PCDHGB2: variants seen among roughly 807,000 people sequenced by gnomAD.
The protein encoded by PCDHGB2 is protocadherin gamma subfamily B, 2.
PCDHGB2 carries 55 observed loss-of-function variants against 59.3 expected under a neutral mutation model. The observed-to-expected ratio is 0.93, with a 90% CI of 0.75 to 1.16. PCDHGB2 has a LOEUF of 1.16. Among genes scored for constraint, PCDHGB2 ranks in the 50% most tolerant of loss-of-function variants. The pLI is 0.00. For synonymous variants in PCDHGB2, 516 were observed against 512.0 expected, an observed-to-expected ratio of 1.01 and a Z score of -0.11; for missense variants, 1,228 against 1,198.5, an observed-to-expected ratio of 1.02 and a Z score of -0.36.
intron 1 of PCDHGB2, chr5:141,389,664 G>A (rs1182835621): frequency 5.0e-6 from 8 of 1,612,210 alleles, no homozygotes; most frequent in Admixed American, 1.7e-5. Context: ...GGCGGTGGAC[G>A]CAGACTCAGG....
chr5:141,387,752 GGAAAAAGAAGAATTTTTTCTT>G, intron 1 of PCDHGB2: 1 of 1,398,886 alleles, frequency 7.1e-7, no homozygotes, highest in Non-Finnish European at 9.5e-7. Context: ...CTTCCTCCTC[GGAAAAAGAAGAATTTTTTCTT>G]GAACTGGAAC....
chr5:141,414,572 C>T, intron 1 of PCDHGB2: 1 of 1,613,960 alleles, frequency 6.2e-7, no homozygotes, highest in Non-Finnish European at 8.5e-7. Context: ...ACCTATATCC[C>T]AGAGAACAAC....
At chr5:141,502,739 A>C (rs1287180048) in intron 2 of PCDHGB2, among the ~76,000 whole-genome samples, 1 of 152,070 alleles carries the variant, frequency 6.6e-6, no homozygotes, top group Non-Finnish European at 1.5e-5. Flanking sequence ...ATGTTCTGTC[A>C]TTCCTTCTAC....
chr5:141,427,711 A>T, intron 1 of PCDHGB2: 1 of 1,036,498 alleles, frequency 9.6e-7, no homozygotes, highest in Non-Finnish European at 1.5e-6. Context: ...AGCGCCTCTG[A>T]CCTGGACCTA....
At chr5:141,488,913 A>G (rs887938731) in intron 1 of PCDHGB2, among the ~76,000 whole-genome samples, 4 of 152,196 alleles carry the variant, frequency 2.6e-5, no homozygotes, top group African/African-American at 7.2e-5. Flanking sequence ...TGTGTTCCCA[A>G]GGTTTCCAGG....
At chr5:141,389,736 G>C in intron 1 of PCDHGB2, 1 of 1,612,710 alleles carries the variant, frequency 6.2e-7, no homozygotes, top group Non-Finnish European at 8.5e-7. Context: ...CTTCAGCCTG[G>C]GGCTGCGCAC....
intron 1 of PCDHGB2, chr5:141,423,815 C>G (rs1002418139): frequency 7.9e-7 from 1 of 1,271,358 alleles, no homozygotes; most frequent in African/African-American, 1.6e-5. Context: ...GTGAGTTTTA[C>G]TTTGCCTTTC....
chr5:141,414,725 T>C (rs1303775655), intron 1 of PCDHGB2: 8 of 1,613,970 alleles, frequency 5.0e-6, no homozygotes, highest in African/African-American at 1.3e-5. Flanking sequence ...GACACTGGCG[T>C]CCTGTATGCA....
intron 1 of PCDHGB2, chr5:141,422,463 C>G (rs1461108652): frequency 6.2e-7 from 1 of 1,613,472 alleles, no homozygotes; most frequent in Non-Finnish European, 8.5e-7. Flanking sequence ...GAGTGCTGGA[C>G]AGGGAGTTGG....
intron 1 of PCDHGB2, among the ~76,000 whole-genome samples, chr5:141,482,458 C>G (rs986628162): frequency 1.4e-5 from 2 of 147,624 alleles, no homozygotes; most frequent in African/African-American, 2.6e-5. Flanking sequence ...ATTAGCATCC[C>G]TATGTGCCAG....
chr5:141,425,661 C>A (rs993314865), intron 1 of PCDHGB2, among the ~76,000 whole-genome samples: 5 of 152,184 alleles, frequency 3.3e-5, no homozygotes, highest in Admixed American at 3.3e-4. Context: ...ATTATCTGCA[C>A]ATCAGATTGA....
chr5:141,420,036 G>C, intron 1 of PCDHGB2: 1 of 1,614,078 alleles, frequency 6.2e-7, no homozygotes. Context: ...GCAGGAGACT[G>C]CTTTGAGTCA....
Position 141,374,498 on chromosome 5 carries a change from G to GA in PCDHGB2, c.2421+11944dup, listed in dbSNP as rs1265465509. Reference sequence around the variant, plus strand: ...ACCCCGATTCTTAAAGGAAGAATTGGAAGTGAAAATTCTCGAAAACGCAGC... The same window carrying GA: ...ACCCCGATTCTTAAAGGAAGAATTGGAAAGTGAAAATTCTCGAAAACGCAGC... On this transcript the variant is annotated intron_variant, in intron 1 of 3. Transcript: ENST00000522605. 3 of 1,611,504 alleles carry GA rather than the reference G, an allele frequency of 1.9e-6. No homozygotes were observed. The South Asian group carries it at 3.3e-5, about 18-fold the overall frequency.
intron 1 of PCDHGB2, chr5:141,372,797 C>A (rs1216879551): frequency 3.1e-6 from 5 of 1,597,434 alleles, no homozygotes; most frequent in Non-Finnish European, 3.4e-6. Context: ...CTAATTCAGG[C>A]AATTTGCAAA....
chr5:141,383,234 A>G, intron 1 of PCDHGB2: 2 of 1,613,960 alleles, frequency 1.2e-6, no homozygotes, highest in Non-Finnish European at 1.7e-6. Flanking sequence ...CTGATGGAAG[A>G]TAAAATGAAT....
chr5:141,361,443 A>G lies in PCDHGB2; in HGVS notation c.1308A>G (p.Ile436Met). The change falls in exon 1 of 4, where the codon ATA (isoleucine) becomes ATG (methionine). Residue 436 changes from isoleucine (I) to methionine (M), a missense_variant. Ile to Met is a conservative substitution (Grantham distance 10). This residue lies in a region of PCDHGB2 where 781 missense variants were observed against 721.6 expected (regional missense o/e 1.08). Transcript: ENST00000522605. ...GCAAGCCGCCCCTCTCCTCCAGCAT[A>G]ATTGTCACCCTGCACATCTCCGACG... Reference protein sequence around the residue: ...DGGKPPLSSSIIVTLHISDVN... With the variant: ...DGGKPPLSSSMIVTLHISDVN... 6.2e-7 allele frequency: 1 copy of G among 1,613,982 alleles called. No individual in the cohort carries two copies. Among genetic ancestry groups the G allele is most frequent in the Non-Finnish European group, 8.5e-7 (1 of 1,179,886 alleles).
At chr5:141,509,153 C>G (rs2099875485) in intron 3 of PCDHGB2, among the ~76,000 whole-genome samples, 2 of 152,190 alleles carry the variant, frequency 1.3e-5, no homozygotes, top group Non-Finnish European at 2.9e-5. Context: ...CGGCTCTCCC[C>G]TCCCGTGTGC....
chr5:141,495,449 G>T (rs1249221693), intron 2 of PCDHGB2, among the ~76,000 whole-genome samples: 1 of 152,194 alleles, frequency 6.6e-6, no homozygotes, highest in East Asian at 1.9e-4. Flanking sequence ...TACTTGTCCT[G>T]CTCTCTGTCT....
In PCDHGB2 at chr5:141,487,000, G is replaced by A. The variant is rs1410493699; in HGVS notation, c.2422-7807G>A. On this transcript the variant is annotated intron_variant, in intron 1 of 3. Transcript: ENST00000522605. The surrounding 1 kb of genome is among the most constrained non-coding windows in gnomAD (Gnocchi z 5.0). ...GTTACAATGCTTGGGTTTCCTATCA[G>A]CTCCTGGAGGCCCCAGATCCCAGCC... The A allele has an allele frequency of 6.2e-7, 1 of 1,614,194 alleles. No homozygotes were observed. The highest frequency in any genetic ancestry group is 8.5e-7 in the Non-Finnish European group (1 of 1,180,036).
Sources: allele counts gnomAD v4.1 joint callset (sites outside exome capture counted in the v4.1 genomes callset), GRCh38; gene constraint gnomAD v4.1.1; regional missense constraint gnomAD v4.1.1; non-coding constraint Gnocchi (gnomAD v3.1); transcripts MANE v1.5; gene names NCBI Gene and HGNC (gene_info 2026-07-23, HGNC 2026-07-21).